Variants in SOX5 observed in about 807,000 individuals in gnomAD.
SOX5 encodes the protein SRY-box transcription factor 5.
A neutral mutation model predicts 92.0 loss-of-function variants in SOX5; 9 were observed. The observed-to-expected ratio is 0.10, with a 90% CI of 0.06 to 0.17. The LOEUF (loss-of-function observed/expected upper bound fraction) is 0.17. SOX5 is among the 10% of genes least tolerant of loss of function. The pLI, the probability that SOX5 is intolerant of heterozygous loss-of-function variation, is 1.00. For synonymous variants in SOX5, 344 were observed against 336.3 expected (o/e 1.02, Z -0.25); for missense variants, 642 against 944.5 (o/e 0.68, Z 4.20).
chr12:23,799,976 G>C (rs932480438), intron 3 of SOX5, among the ~76,000 whole-genome samples: 3 of 151,952 alleles, frequency 2.0e-5, no homozygotes, highest in Admixed American at 6.6e-5. Context: ...TGAGCTAAAT[G>C]TAAATGTTTA....
chr12:23,621,857 G>A (rs905551653), intron 8 of SOX5, among the ~76,000 whole-genome samples: 10 of 152,114 alleles, frequency 6.6e-5, no homozygotes, highest in Admixed American at 4.6e-4. Context: ...CACCGTAAAA[G>A]GTAGTTCTCT....
chr12:23,985,401 C>T (rs1949973887), intron 4 of SOX5, among the ~76,000 whole-genome samples: 1 of 152,016 alleles, frequency 6.6e-6, no homozygotes, highest in Admixed American at 6.6e-5. Flanking sequence ...AGGAATGAGC[C>T]ACCATGCCTG....
intron 3 of SOX5, among the ~76,000 whole-genome samples, chr12:23,771,750 A>G (rs142139603): frequency 6.6e-6 from 1 of 152,104 alleles, no homozygotes; most frequent in Non-Finnish European, 1.5e-5. Flanking sequence ...TCATATAGAC[A>G]CCTTTCTCTG....
At chr12:23,599,495 G>C (rs370474550) in intron 9 of SOX5, among the ~76,000 whole-genome samples, 3 of 152,198 alleles carry the variant, frequency 2.0e-5, no homozygotes. Flanking sequence ...TCACGGCAAG[G>C]TTAAAAGAAA....
intron 3 of SOX5, among the ~76,000 whole-genome samples, chr12:24,273,994 A>G (rs2140348050): frequency 6.6e-6 from 1 of 152,272 alleles, no homozygotes. Context: ...TACAACTTTA[A>G]TTCTTGGAAA....
intron 6 of SOX5, among the ~76,000 whole-genome samples, chr12:23,713,710 T>C (rs2092264156): frequency 6.8e-6 from 1 of 148,060 alleles, no homozygotes; most frequent in Admixed American, 6.8e-5. Context: ...TATATAAATA[T>C]ATATATATAT....
intron 4 of SOX5, among the ~76,000 whole-genome samples, chr12:24,201,496 ACT>A (rs1051523178): frequency 1.3e-5 from 2 of 152,124 alleles, no homozygotes; most frequent in African/African-American, 4.8e-5. Context: ...AATTTGAGAA[ACT>A]CTGAATTTCA....
chr12:23,959,370 C>T (rs528124236), intron 4 of SOX5, among the ~76,000 whole-genome samples: 32 of 152,018 alleles, frequency 2.1e-4, no homozygotes, highest in Non-Finnish European at 2.7e-4. Flanking sequence ...ATTTAGTATA[C>T]ACTGTTAGTC....
intron 4 of SOX5, among the ~76,000 whole-genome samples, chr12:24,031,759 T>G (rs1005906269): frequency 6.6e-6 from 1 of 150,460 alleles, no homozygotes; most frequent in African/African-American, 2.4e-5. Flanking sequence ...AAAAAAAAAA[T>G]AAAAGACTCA....
At chr12:23,655,457 G>A (rs983922380) in intron 7 of SOX5, among the ~76,000 whole-genome samples, 1 of 152,098 alleles carries the variant, frequency 6.6e-6, no homozygotes, top group Non-Finnish European at 1.5e-5. Flanking sequence ...CATCCAAAAT[G>A]TTTCAAGTAT....
chr12:23,828,253 A>G (rs369317286), intron 3 of SOX5, among the ~76,000 whole-genome samples: 17 of 152,298 alleles, frequency 1.1e-4, no homozygotes, highest in Middle Eastern at 3.4e-3. Flanking sequence ...ACGTTTGCAC[A>G]AGGGCAAAAT....
In SOX5 at chr12:23,609,681, T is replaced by TCC. The variant is rs1182385596; in HGVS notation, c.1018-5149_1018-5148insGG. 3.4e-5 allele frequency among the ~76,000 whole-genome samples: 5 copies of TCC among 147,096 alleles called. No individual in the cohort carries two copies. In the East Asian group the frequency reaches 1.0e-3, roughly 30 times the overall value. ...AAACACATATACTATATTTTTCTTT[T>TCC]ATTTCTTTCTTTCCTTCTTGACAAA... On this transcript the variant is annotated intron_variant, in intron 8 of 14. Coordinates refer to ENST00000451604, the MANE Select transcript of SOX5 (RefSeq NM_006940.6).
In SOX5 at chr12:23,670,058, G is replaced by A. The variant is rs112870465; in HGVS notation, c.811-4494C>T. On this transcript the variant is annotated intron_variant, in intron 6 of 14. Coordinates refer to ENST00000451604, the MANE Select transcript of SOX5 (RefSeq NM_006940.6). Reference sequence around the variant, plus strand: ...AAAACGTGGAGGAAAGGTGCCTATCGGCAGATAAAATTAAAGTTAGACAAA... The same window carrying A: ...AAAACGTGGAGGAAAGGTGCCTATCAGCAGATAAAATTAAAGTTAGACAAA... Among the ~76,000 whole-genome samples the A allele has an allele frequency of 8.0e-3, 1,225 of 152,174 alleles. 17 individuals carry two copies. The highest frequency in any genetic ancestry group is 0.028 in the African/African-American group (1,150 of 41,514).
chr12:24,352,324 T>C (rs1352577518), intron 2 of SOX5, among the ~76,000 whole-genome samples: 1 of 152,174 alleles, frequency 6.6e-6, no homozygotes, highest in African/African-American at 2.4e-5. Flanking sequence ...AGATTATATA[T>C]TGATTATATA....
At chr12:24,502,260 A>G (rs1391695009) in intron 1 of SOX5, among the ~76,000 whole-genome samples, 1 of 152,228 alleles carries the variant, frequency 6.6e-6, no homozygotes, top group Non-Finnish European at 1.5e-5. Context: ...TGGGTCAGGG[A>G]TAATATGAGA....
chr12:23,717,247 A>G (rs2092559173), intron 6 of SOX5, among the ~76,000 whole-genome samples: 1 of 152,224 alleles, frequency 6.6e-6, no homozygotes, highest in South Asian at 2.1e-4. Context: ...GGTCCTTCAT[A>G]TATCTTGCAT....
intron 4 of SOX5, among the ~76,000 whole-genome samples, chr12:24,067,723 CAATACTT>C (rs1161738459): frequency 6.6e-6 from 1 of 151,952 alleles, no homozygotes; most frequent in Non-Finnish European, 1.5e-5. Context: ...TGATAGCTCT[CAATACTT>C]AACGCAATCA....
At chr12:23,799,574 C>T (rs1474750657) in intron 3 of SOX5, among the ~76,000 whole-genome samples, 1 of 151,998 alleles carries the variant, frequency 6.6e-6, no homozygotes, top group African/African-American at 2.4e-5. Flanking sequence ...TGAAAACATT[C>T]TACATAGGGA....
intron 1 of SOX5, among the ~76,000 whole-genome samples, chr12:24,411,278 G>A (rs532796901): frequency 6.6e-6 from 1 of 150,626 alleles, no homozygotes; most frequent in Non-Finnish European, 1.5e-5. Flanking sequence ...TTTTATTTTT[G>A]TCCTTTATAA....
Sources: allele counts gnomAD v4.1 joint callset (sites outside exome capture counted in the v4.1 genomes callset), GRCh38; gene constraint gnomAD v4.1.1; transcripts MANE v1.5; gene names NCBI Gene and HGNC (gene_info 2026-07-23, HGNC 2026-07-21).